CDKAL1: variants seen among roughly 807,000 people sequenced by gnomAD.
CDKAL1 encodes the protein CDKAL1 threonylcarbamoyladenosine tRNA methylthiotransferase.
A neutral mutation model predicts 68.2 loss-of-function variants in CDKAL1; 32 were observed. The observed-to-expected ratio is 0.47, with a 90% CI of 0.35 to 0.63. The LOEUF is 0.63. Among genes scored for constraint, CDKAL1 ranks in the 30% least tolerant of loss-of-function variants. The pLI, the probability that CDKAL1 is intolerant of heterozygous loss-of-function variation, is 0.00. For missense variants in CDKAL1, 606 were observed against 696.7 expected (o/e 0.87, Z 1.47); for synonymous variants, 234 against 244.3 (o/e 0.96, Z 0.39).
At chr6:20,616,422 G>A (rs1460824180) in intron 4 of CDKAL1, among the ~76,000 whole-genome samples, 1 of 143,286 alleles carries the variant, frequency 7.0e-6, no homozygotes, top group East Asian at 2.0e-4. Flanking sequence ...AGCATGGAAT[G>A]TTCTTCCATT....
intron 10 of CDKAL1, chr6:20,993,443 G>A (rs1049542756): frequency 4.6e-5 from 7 of 151,964 alleles, no homozygotes; most frequent in African/African-American, 9.7e-5. Flanking sequence ...CTGTTTGATC[G>A]CTATTGGTGT....
At chr6:20,618,133 C>A (rs1020411812) in intron 4 of CDKAL1, among the ~76,000 whole-genome samples, 19 of 152,026 alleles carry the variant, frequency 1.2e-4, no homozygotes, top group Non-Finnish European at 2.5e-4. Flanking sequence ...ATGGTATCTC[C>A]TTGTGGTTTT....
intron 8 of CDKAL1, among the ~76,000 whole-genome samples, chr6:20,786,494 C>CTTT (rs1197574844): frequency 0.012 from 941 of 80,750 alleles, 53 homozygotes; most frequent in African/African-American, 0.041. Context: ...TTTTTCTTAT[C>CTTT]TTTTTTTTTT....
chr6:20,786,854 G>C (rs1036651115), intron 8 of CDKAL1, among the ~76,000 whole-genome samples: 1 of 152,056 alleles, frequency 6.6e-6, no homozygotes, highest in Non-Finnish European at 1.5e-5. Flanking sequence ...AGGAGGTAGT[G>C]TAGGGGACAA....
chr6:20,779,551 T>C (rs1403313098), intron 7 of CDKAL1, among the ~76,000 whole-genome samples: 7 of 152,222 alleles, frequency 4.6e-5, no homozygotes, highest in Admixed American at 4.6e-4. Context: ...AACATTGACA[T>C]CCTGTGTTCT....
At chr6:21,182,704 G>C (rs1256781707) in intron 13 of CDKAL1, among the ~76,000 whole-genome samples, 1 of 152,172 alleles carries the variant, frequency 6.6e-6, no homozygotes, top group Non-Finnish European at 1.5e-5. Context: ...CAGTTAAAAT[G>C]CATAGTCACT....
intron 3 of CDKAL1, 29 bp from the exon 4 acceptor site, chr6:20,548,564 C>CAT: frequency 1.2e-6 from 1 of 809,572 alleles, no homozygotes; most frequent in Admixed American, 2.5e-5. Context: ...ATGAAACTTA[C>CAT]TTTTTTTTTT....
chr6:21,181,302 T>C (rs1049348905), intron 13 of CDKAL1, among the ~76,000 whole-genome samples: 1 of 152,204 alleles, frequency 6.6e-6, no homozygotes, highest in East Asian at 1.9e-4. Flanking sequence ...ATTTAGACCA[T>C]ACCAAAATTT....
chr6:20,719,424 G>T (rs1341613600), intron 5 of CDKAL1, among the ~76,000 whole-genome samples: 1 of 152,090 alleles, frequency 6.6e-6, no homozygotes, highest in Admixed American at 6.5e-5. Flanking sequence ...CTACTAATAC[G>T]AGTGTACATA....
At chr6:20,905,520 A>G (rs546282304) in intron 9 of CDKAL1, among the ~76,000 whole-genome samples, 1 of 152,358 alleles carries the variant, frequency 6.6e-6, no homozygotes, top group East Asian at 1.9e-4. Context: ...GGCAATGAGA[A>G]TATTTGAAGA....
At chr6:21,052,987 A>T (rs1770625595) in intron 11 of CDKAL1, among the ~76,000 whole-genome samples, 1 of 152,106 alleles carries the variant, frequency 6.6e-6, no homozygotes, top group East Asian at 1.9e-4. Context: ...AGTCTGTAGG[A>T]TAATTTAGAG....
chr6:21,204,924 A>G (rs1030839413), intron 15 of CDKAL1, among the ~76,000 whole-genome samples: 1 of 152,080 alleles, frequency 6.6e-6, no homozygotes, highest in Non-Finnish European at 1.5e-5. Context: ...GAAACCCTGT[A>G]CTCATTAAAC....
At chr6:20,597,151 C>T (rs562591179) in intron 4 of CDKAL1, among the ~76,000 whole-genome samples, 12 of 152,194 alleles carry the variant, frequency 7.9e-5, no homozygotes, top group South Asian at 2.1e-4. Context: ...TTTTTTCAGA[C>T]GGAGTCTCGC....
intron 9 of CDKAL1, among the ~76,000 whole-genome samples, chr6:20,907,034 G>A (rs1412873028): frequency 2.0e-5 from 3 of 152,090 alleles, no homozygotes; most frequent in African/African-American, 7.2e-5. Flanking sequence ...CAAAATCATA[G>A]AAACAGAAAG....
At chr6:20,788,801 G>A (rs1775780071) in intron 8 of CDKAL1, among the ~76,000 whole-genome samples, 1 of 152,072 alleles carries the variant, frequency 6.6e-6, no homozygotes, top group Non-Finnish European at 1.5e-5. Context: ...TAGAATGTGA[G>A]GTTACGACTT....
rs1033539855 is a variant in CDKAL1 at position 20,534,529 on chromosome 6, G to C, written c.-95G>C. Reference sequence around the variant, plus strand: ...TCTGTGCAGCTTCCGGAGAGTGGCGGGTTGATTTTCTCACTTTGGACTGGT... The same window carrying C: ...TCTGTGCAGCTTCCGGAGAGTGGCGCGTTGATTTTCTCACTTTGGACTGGT... On this transcript the variant is annotated 5_prime_UTR_variant, in exon 1 of 16. Coordinates refer to ENST00000274695, the MANE Select transcript of CDKAL1 (RefSeq NM_017774.3). 1.3e-5 allele frequency: 2 copies of C among 152,770 alleles called. No homozygotes were observed. The highest frequency in any genetic ancestry group is 1.5e-5 in the Non-Finnish European group (1 of 68,068). 9.5% of individuals were successfully genotyped at this position (152,770 alleles called of 1,614,324 possible).
At chr6:20,722,107 C>G (rs1447333454) in intron 5 of CDKAL1, among the ~76,000 whole-genome samples, 4 of 152,122 alleles carry the variant, frequency 2.6e-5, no homozygotes, top group African/African-American at 9.7e-5. Context: ...GCAGGTTACT[C>G]TGGAAGCCAA....
chr6:21,081,575 T>A (rs1446074513), intron 12 of CDKAL1, among the ~76,000 whole-genome samples: 1 of 148,996 alleles, frequency 6.7e-6, no homozygotes, highest in Non-Finnish European at 1.5e-5. Context: ...GATATATCTT[T>A]TTTTTTTTTT....
At chr6:20,959,056 G>A (rs74396872) in intron 10 of CDKAL1, among the ~76,000 whole-genome samples, 2 of 152,082 alleles carry the variant, frequency 1.3e-5, no homozygotes, top group Non-Finnish European at 2.9e-5. Flanking sequence ...CTTAACACAG[G>A]ATCACTTTTA....
Sources: allele counts gnomAD v4.1 joint callset (sites outside exome capture counted in the v4.1 genomes callset), GRCh38; gene constraint gnomAD v4.1.1; transcripts MANE v1.5; gene names NCBI Gene and HGNC (gene_info 2026-07-23, HGNC 2026-07-21).